The following SCN7A variants were observed in gnomAD, a reference collection of about 807,000 sequenced individuals.
SCN7A encodes the protein sodium channel protein type 7 subunit alpha.
SCN7A carries 138 observed loss-of-function variants against 155.2 expected under a neutral mutation model. That is an observed-to-expected ratio of 0.89 (90% CI 0.77 to 1.02). The LOEUF is 1.02. SCN7A is among the 50% of genes least tolerant of loss of function. SCN7A has a pLI of 0.00. For synonymous variants in SCN7A, 693 were observed against 649.0 expected, an observed-to-expected ratio of 1.07 and a Z score of -1.03; for missense variants, 2,058 against 1,986.6, an observed-to-expected ratio of 1.04 and a Z score of -0.68.
At chr2:166,487,809 G>A (rs1703085477) in intron 1 of SCN7A, among the ~76,000 whole-genome samples, 1 of 152,218 alleles carries the variant, frequency 6.6e-6, no homozygotes, top group Non-Finnish European at 1.5e-5. Context: ...AGTAAGGACA[G>A]TGGATCAATA....
In SCN7A at chr2:166,432,386, C is replaced by T. The variant is rs772100286; in HGVS notation, c.2524G>A (p.Glu842Lys). ...TTATCCAGATTTTCTATATCAGATT[C>T]TCCTGAAGCAATTGGTACAGTTTCT... is the stretch of plus-strand genomic sequence containing the variant. Reference protein sequence around the residue: ...VSETVPIASGESDIENLDNKE... With the variant: ...VSETVPIASGKSDIENLDNKE... The change falls in exon 16 of 26, where the codon GAA becomes AAA. Residue 842 changes from glutamate to lysine, a missense_variant. Transcript: ENST00000643258. 6.2e-7 allele frequency: 1 copy of T among 1,613,290 alleles called. No homozygotes were observed. Among genetic ancestry groups the T allele is most frequent in the South Asian group, 1.1e-5 (1 of 91,024 alleles).
chr2:166,421,099 C>A, intron 20 of SCN7A, 91 bp downstream of exon 20: 1 of 799,304 alleles, frequency 1.3e-6, no homozygotes, highest in Non-Finnish European at 2.0e-6. Flanking sequence ...GTTAAAGGTA[C>A]AAACGAGAAG....
chr2:166,462,563 A>G, intron 9 of SCN7A, 33 bp from the exon 10 acceptor site: 1 of 1,602,396 alleles, frequency 6.2e-7, no homozygotes, highest in Non-Finnish European at 8.5e-7. Flanking sequence ...CCTGCTTACT[A>G]TTAGGTGACT....
intron 2 of SCN7A, 90 bp from the exon 3 acceptor site, chr2:166,477,800 G>A (rs1300565761): frequency 4.3e-6 from 3 of 693,638 alleles, no homozygotes; most frequent in Non-Finnish European, 6.7e-6. Flanking sequence ...CCAGTAAACT[G>A]AATGTATGCA....
chr2:166,414,165 T>TG (rs1486457395), intron 21 of SCN7A, among the ~76,000 whole-genome samples: 1 of 56,788 alleles, frequency 1.8e-5, no homozygotes, highest in African/African-American at 7.3e-5. Context: ...ATATAATATA[T>TG]TATATATATG....
At chr2:166,465,025 A>C (rs898528772) in intron 9 of SCN7A, among the ~76,000 whole-genome samples, 13 of 152,132 alleles carry the variant, frequency 8.5e-5, no homozygotes, top group African/African-American at 3.1e-4. Flanking sequence ...TCTAACTCCC[A>C]ATGTGATTAG....
chr2:166,420,806 G>A (rs557859236), intron 20 of SCN7A, among the ~76,000 whole-genome samples: 56 of 151,720 alleles, frequency 3.7e-4, no homozygotes, highest in Non-Finnish European at 5.2e-4. Flanking sequence ...AACCACTTAG[G>A]GTATACAATG....
Position 166,432,391 on chromosome 2 carries a change from G to T in SCN7A, c.2519C>A (p.Ser840Ter), listed in dbSNP as rs775280809. The change falls in exon 16 of 26, where the codon TCA becomes TAA. Residue 840 changes from serine (S) to a stop codon, truncating the protein, a stop_gained. Coordinates refer to ENST00000643258, the MANE Select transcript of SCN7A (RefSeq NM_002976.4). LOFTEE classifies it high-confidence loss of function. ...PSVSETVPIA[S>*]GESDIENLDN... is the part of the protein sequence containing the mutation. Reference sequence around the variant, plus strand: ...CAGATTTTCTATATCAGATTCTCCTGAAGCAATTGGTACAGTTTCTGAGAC... The same window carrying T: ...CAGATTTTCTATATCAGATTCTCCTTAAGCAATTGGTACAGTTTCTGAGAC... 1.2e-6 allele frequency: 2 copies of T among 1,613,250 alleles called. No individual in the cohort carries two copies. The highest frequency in any genetic ancestry group is 2.7e-5 in the African/African-American group (2 of 74,858).
chr2:166,425,229 T>C (rs542651823), intron 18 of SCN7A, among the ~76,000 whole-genome samples: 4 of 152,222 alleles, frequency 2.6e-5, no homozygotes, highest in South Asian at 2.1e-4. Flanking sequence ...AAGGTCTACC[T>C]CTACCTCCTC....
intron 3 of SCN7A, among the ~76,000 whole-genome samples, chr2:166,475,296 C>A (rs1014597561): frequency 6.8e-6 from 1 of 148,132 alleles, no homozygotes; most frequent in Admixed American, 6.8e-5. Context: ...CATACTGAAA[C>A]ACAATAAATT....
chr2:166,467,736 C>T (rs1553519837), intron 7 of SCN7A, among the ~76,000 whole-genome samples: 2 of 151,614 alleles, frequency 1.3e-5, no homozygotes, highest in Non-Finnish European at 3.0e-5. Flanking sequence ...CTTCCTCCTC[C>T]TTTTAAATTT....
chr2:166,465,415 A>G (rs1377425882), intron 9 of SCN7A, 47 bp downstream of exon 9: 17 of 1,262,660 alleles, frequency 1.3e-5, no homozygotes, highest in Non-Finnish European at 1.7e-5. Context: ...ATTAAATACT[A>G]TTGACAGGTG....
rs1423496204 is a variant in SCN7A, at chr2:166,457,549, C to T, written c.1084-473G>A. Among the ~76,000 whole-genome samples, 5 of 151,932 alleles carry T rather than the reference C, an allele frequency of 3.3e-5. No individual in the cohort carries two copies. In the East Asian group the frequency reaches 9.6e-4, roughly 29 times the overall value. ...AATCACAGCAAAGTAAAAAATTAGT[C>T]TTTACAAGGAATGGAGAGCAGGACT... On this transcript the variant is annotated intron_variant, in intron 10 of 25. Transcript: ENST00000643258.
At chr2:166,422,777 A>G (rs1272235132) in intron 19 of SCN7A, among the ~76,000 whole-genome samples, 1 of 152,180 alleles carries the variant, frequency 6.6e-6, no homozygotes, top group African/African-American at 2.4e-5. Flanking sequence ...ATTTCACAAC[A>G]GTTACTCTGG....
intron 16 of SCN7A, among the ~76,000 whole-genome samples, chr2:166,430,814 T>C (rs1701718343): frequency 6.6e-6 from 1 of 152,048 alleles, no homozygotes. Flanking sequence ...AGTGTATCTC[T>C]GAATTATCAG....
At position 166,444,963 on chromosome 2, in the gene SCN7A, C is replaced by A. The variant is rs1477273050; in HGVS notation, c.1425G>T (p.Trp475Cys). The change falls in exon 13 of 26, where the codon TGG becomes TGT. Residue 475 changes from tryptophan (W) to cysteine (C), a missense_variant. Transcript: ENST00000643258. ...EKSKKICPLY[W>C]YKFAKTFLIW... ...TCAAGAAAGTTTTAGCAAACTTATACCAGTATAATGGGCATATCTTCTTGG... is the reference window on the plus strand; with the variant it reads ...TCAAGAAAGTTTTAGCAAACTTATAACAGTATAATGGGCATATCTTCTTGG... 2 of 1,612,174 alleles carry A rather than the reference C, an allele frequency of 1.2e-6. No homozygotes were observed. Among genetic ancestry groups the A allele is most frequent in the African/African-American group, 1.3e-5 (1 of 74,970 alleles).
chr2:166,463,362 T>C (rs1171412200), intron 9 of SCN7A, among the ~76,000 whole-genome samples: 2 of 152,214 alleles, frequency 1.3e-5, no homozygotes, highest in African/African-American at 4.8e-5. Context: ...TTGGGTTTAG[T>C]CATGTTACTT....
intron 18 of SCN7A, among the ~76,000 whole-genome samples, chr2:166,427,497 C>T (rs571458202): frequency 9.9e-5 from 15 of 151,884 alleles, no homozygotes; most frequent in South Asian, 2.1e-4. Context: ...CAGAAGAATC[C>T]GGTATCTATT....
Position 166,406,308 on chromosome 2 carries a change from C to G in SCN7A, c.4321G>C (p.Asp1441His), listed in dbSNP as rs1433760005. ...AIFAGWDGML[D>H]AIFNSKWSDC... The stretch of plus-strand genomic sequence containing the variant: ...GACCATTTACTGTTGAAAATTGCAT[C>G]AAGCATCCCATCCCAACCAGCAAAT... Residue 1441 changes from aspartate (D) to histidine (H), a missense_variant, in exon 26 of 26, where the codon GAT (aspartate) becomes CAT (histidine). Physicochemically the swap from Asp to His is moderately conservative, Grantham distance 81. Coordinates refer to ENST00000643258, the MANE Select transcript of SCN7A (RefSeq NM_002976.4). The G allele has an allele frequency of 6.2e-7, 1 of 1,613,130 alleles. No homozygotes were observed.
Sources: gnomAD v4.1 joint callset for allele counts (sites outside exome capture counted in the v4.1 genomes callset) on GRCh38, gnomAD v4.1.1 for gene constraint, MANE v1.5 for transcripts, NCBI Gene and HGNC (gene_info 2026-07-23, HGNC 2026-07-21) for gene names.